Variants in SEMA6C observed in about 807,000 individuals in gnomAD.
SEMA6C encodes the protein semaphorin-6C.
In SEMA6C, 37 loss-of-function variants were observed where a neutral mutation model predicts 72.9. The observed-to-expected ratio is 0.51, with a 90% CI of 0.39 to 0.67. The LOEUF (loss-of-function observed/expected upper bound fraction) is 0.67. SEMA6C is among the 30% of genes least tolerant of loss of function. The probability of loss-of-function intolerance (pLI) is 0.00; values close to 1 mark genes in which losing one functional copy is unlikely to be tolerated. For synonymous variants in SEMA6C, 578 were observed against 554.1 expected, an observed-to-expected ratio of 1.04 and a Z score of -0.61; for missense variants, 1,189 against 1,263.6, an observed-to-expected ratio of 0.94 and a Z score of 0.89.
Position 151,132,940 on chromosome 1 carries a change from C to T in SEMA6C, c.2337G>A (p.Pro779=), listed in dbSNP as rs913666493. The T allele has an allele frequency of 3.2e-5, 45 of 1,398,926 alleles. No homozygotes were observed. In the African/African-American group the frequency reaches 6.2e-4, roughly 19 times the overall value. 86.7% of individuals were successfully genotyped at this position (1,398,926 alleles called of 1,614,324 possible). ...CGGGGGGCTCGGCCCCCTTTCTGGG[C>T]GGCTGCGGGCCGTGCAGGTAGCGCA... ...ELLRYLHGPQ[P]PRKGAEPPAP... Residue 779 remains proline, a synonymous_variant, in exon 19 of 19, where the codon CCG becomes CCA. Transcript: ENST00000368914.
chr1:151,136,337 T>A, intron 12 of SEMA6C, 111 bp downstream of exon 12: 1 of 1,513,328 alleles, frequency 6.6e-7, no homozygotes. Flanking sequence ...GCCACCCCAC[T>A]ATAGCTCCCC....
intron 7 of SEMA6C, 94 bp downstream of exon 7, chr1:151,138,536 C>G: frequency 6.9e-7 from 1 of 1,455,294 alleles, no homozygotes; most frequent in Non-Finnish European, 9.6e-7. Context: ...ACTCCCATTC[C>G]CCAACCGCAG....
In SEMA6C at chr1:151,136,948, A is replaced by C. The variant is rs1281641918; in HGVS notation, c.883T>G (p.Phe295Val). Residue 295 changes from phenylalanine (F) to valine (V), a missense_variant, in exon 11 of 19, where the codon TTC becomes GTC. By Grantham distance (50) the Phe-to-Val change is conservative. Coordinates refer to ENST00000368914, the MANE Select transcript of SEMA6C (RefSeq NM_030913.6). ...AAGGCCTGTAAAACATCAAAATAGA[A>C]AGTAGAGTCCCCAGGGACAGAGCAG... Reference protein sequence around the residue: ...LNCSVPGDSTFYFDVLQALTG... With the variant: ...LNCSVPGDSTVYFDVLQALTG... The C allele has an allele frequency of 6.2e-7, 1 of 1,613,962 alleles. No homozygotes were observed.
chr1:151,132,778 G>A lies in SEMA6C; in HGVS notation c.2499C>T (p.Ala833=), dbSNP rs1315484965. ...PPEGRCASAP[A]RPALSAPAPR... ...GAGCGGGGGCGGAGAGCGCGGGCCG[G>A]GCGGGGGCAGAGGCGCACCTGCCCT... Residue 833 remains alanine (A), a synonymous_variant, in exon 19 of 19, where the codon GCC becomes GCT. Coordinates refer to ENST00000368914, the MANE Select transcript of SEMA6C (RefSeq NM_030913.6). 7.2e-7 allele frequency: 1 copy of A among 1,387,394 alleles called. No homozygotes were observed. Among genetic ancestry groups the A allele is most frequent in the Non-Finnish European group, 9.4e-7 (1 of 1,067,040 alleles). The allele number at this position is 1,387,394 out of a possible 1,614,324, so 85.9% of individuals were successfully genotyped here. A position where few individuals can be genotyped will look rare whatever the true frequency, so the allele number is the denominator to read the frequency against.
intron 16 of SEMA6C, 49 bp from the exon 17 acceptor site, chr1:151,134,724 T>G (rs770160987): frequency 1.2e-6 from 2 of 1,612,394 alleles, no homozygotes; most frequent in Non-Finnish European, 1.7e-6. Context: ...TGTCCGTATC[T>G]CCCACTCTGG....
At chr1:151,139,088 G>A (rs1250167188) in intron 6 of SEMA6C, among the ~76,000 whole-genome samples, 3 of 134,588 alleles carry the variant, frequency 2.2e-5, no homozygotes, top group East Asian at 2.1e-4. Context: ...CTGAGACTCC[G>A]TCTCAAAAAA....
At chr1:151,142,161 C>T (rs991169338) in intron 3 of SEMA6C, among the ~76,000 whole-genome samples, 37 of 151,912 alleles carry the variant, frequency 2.4e-4, no homozygotes, top group Non-Finnish European at 4.7e-4. Context: ...CTCAGCCTCC[C>T]GAGTAGCTGG....
intron 12 of SEMA6C, 97 bp downstream of exon 12, chr1:151,136,351 C>G: frequency 6.5e-7 from 1 of 1,537,658 alleles, no homozygotes; most frequent in South Asian, 1.3e-5. Context: ...GCTCCCCACC[C>G]TGAGGCCTTG....
Position 151,136,456 on chromosome 1 carries a change from G to C in SEMA6C, c.1098C>G (p.Pro366=). Residue 366 remains proline, a synonymous_variant, in exon 12 of 19, where the codon CCC becomes CCG. Coordinates refer to ENST00000368914, the MANE Select transcript of SEMA6C (RefSeq NM_030913.6). ...AWTPVSEDRV[P]SPRPGSCAGV... ...AACTCCATCCTGGGTACCTGGGTGA[G>C]GGAACTCTGTCCTCAGACACAGGAG... The C allele has an allele frequency of 6.2e-7, 1 of 1,613,498 alleles. No individual in the cohort carries two copies. Among genetic ancestry groups the C allele is most frequent in the Non-Finnish European group, 8.5e-7 (1 of 1,179,850 alleles).
chr1:151,142,112 C>T (rs1227636212), intron 3 of SEMA6C, among the ~76,000 whole-genome samples: 2 of 150,912 alleles, frequency 1.3e-5, no homozygotes, highest in African/African-American at 2.4e-5. Context: ...TATCCGCTCA[C>T]TGCAAGCTCC....
At chr1:151,144,229 C>A (rs951548903) in intron 2 of SEMA6C, among the ~76,000 whole-genome samples, 156 bp downstream of exon 2, 1 of 152,122 alleles carries the variant, frequency 6.6e-6, no homozygotes, top group Non-Finnish European at 1.5e-5. Context: ...CTCCCCACCA[C>A]CCCCCTGCCT....
chr1:151,132,236 C>T lies in SEMA6C; in HGVS notation c.*248G>A, dbSNP rs1283167450. 2.6e-6 allele frequency: 4 copies of T among 1,513,090 alleles called. No homozygotes were observed. Among genetic ancestry groups the T allele is most frequent in the Admixed American group, 4.0e-5 (2 of 50,206 alleles). 93.7% of individuals were successfully genotyped at this position (1,513,090 alleles called of 1,614,324 possible). ...CTGGAAGGGAGCGGGGAGTGGGAGT[C>T]CGCCAGCTCCCCCTGAAATGCTGGC... is the stretch of plus-strand genomic sequence containing the variant. On this transcript the variant is annotated 3_prime_UTR_variant, in exon 19 of 19. Coordinates refer to ENST00000368914, the MANE Select transcript of SEMA6C (RefSeq NM_030913.6).
In SEMA6C at chr1:151,133,698, C is replaced by A. The variant is rs987018507; in HGVS notation, c.1760-181G>T. On this transcript the variant is annotated intron_variant, in intron 18 of 18. Coordinates refer to ENST00000368914, the MANE Select transcript of SEMA6C (RefSeq NM_030913.6). This position sits in a 1 kb window ranked among gnomAD's most constrained non-coding sequence, Gnocchi z 5.9. The stretch of plus-strand genomic sequence containing the variant: ...CTCTCCTGACTCCTCAGCATACAGC[C>A]CACGCACTACCCCTCACACTCAGGC... Among the ~76,000 whole-genome samples the A allele has an allele frequency of 6.6e-6, 1 of 152,208 alleles. No individual in the cohort carries two copies. Among genetic ancestry groups the A allele is most frequent in the Non-Finnish European group, 1.5e-5 (1 of 68,034 alleles).
Position 151,144,232 on chromosome 1 carries a change from C to G in SEMA6C, c.-55+153G>C, listed in dbSNP as rs978980914. Among the ~76,000 whole-genome samples the G allele has an allele frequency of 7.2e-5, 11 of 152,306 alleles. No individual in the cohort carries two copies. In the South Asian group the frequency reaches 2.3e-3, roughly 32 times the overall value. On this transcript the variant is annotated intron_variant, in intron 2 of 18. Transcript: ENST00000368914. ...CCCCAACCTGCTCTCCCCACCACCC[C>G]CCTGCCTCCAAGTTGCCCTGAGCAA...
Position 151,139,993 on chromosome 1 carries a change from G to A in SEMA6C, c.216C>T (p.Thr72=), listed in dbSNP as rs1178817104. 2 of 1,614,142 alleles carry A rather than the reference G, an allele frequency of 1.2e-6. No homozygotes were observed. Among genetic ancestry groups the A allele is most frequent in the South Asian group, 1.1e-5 (1 of 91,082 alleles). ...DFQRFLTLNR[T]LLVAARDHVF... ...CAGTTTACCGGGCAGCCACTAGCAA[G>A]GTCCGGTTCAAGGTCAGGAATCTCT... The change falls in exon 4 of 19, where the codon ACC becomes ACT. Residue 72 remains threonine (T), a synonymous_variant. Transcript: ENST00000368914.
At position 151,135,594 on chromosome 1, in the gene SEMA6C, G is replaced by A; in HGVS notation, c.1430C>T (p.Ala477Val). The change falls in exon 14 of 19, where the codon GCC becomes GTC. Residue 477 changes from alanine (A) to valine (V), a missense_variant. Coordinates refer to ENST00000368914, the MANE Select transcript of SEMA6C (RefSeq NM_030913.6). ...GCCTGCCCTCCAAAGGCCTCACCGGGCAGGGCTGTAGGCATCAATCTCTTC... is the reference window on the plus strand; with the variant it reads ...GCCTGCCCTCCAAAGGCCTCACCGGACAGGGCTGTAGGCATCAATCTCTTC... Reference protein sequence around the residue: ...LLEEIDAYSPARCSGKRTAQT... With the variant: ...LLEEIDAYSPVRCSGKRTAQT... 6.2e-7 allele frequency: 1 copy of A among 1,611,960 alleles called. No individual in the cohort carries two copies. The highest frequency in any genetic ancestry group is 8.5e-7 in the Non-Finnish European group (1 of 1,179,116).
intron 17 of SEMA6C, 42 bp from the exon 18 acceptor site, chr1:151,134,487 C>T (rs762653083): frequency 5.6e-6 from 9 of 1,608,834 alleles, no homozygotes; most frequent in Non-Finnish European, 7.7e-6. Context: ...GAAAGAGAAG[C>T]TTCATGAAGA....
rs1278868330 is a variant in SEMA6C, at chr1:151,133,250, G to A, written c.2027C>T (p.Thr676Met). Residue 676 changes from threonine (T) to methionine (M), a missense_variant, in exon 19 of 19, where the codon ACG (threonine) becomes ATG (methionine). Around this residue, in one of 2 missense-constraint regions of SEMA6C, gnomAD observed 721 missense variants for 686.2 expected, o/e 1.05. Transcript: ENST00000368914. The surrounding 1 kb of genome is among the most constrained non-coding windows in gnomAD (Gnocchi z 5.9). ...CAGGAAGGTGGTGTAGAGCTGCGGCGTCTGCACCGCGTCCCCGTCCTTGGA... is the reference window on the plus strand; with the variant it reads ...CAGGAAGGTGGTGTAGAGCTGCGGCATCTGCACCGCGTCCCCGTCCTTGGA... ...PPSKDGDAVQ[T>M]PQLYTTFLPP... 1 of 1,582,878 alleles carries A rather than the reference G, an allele frequency of 6.3e-7. No individual in the cohort carries two copies. Among genetic ancestry groups the A allele is most frequent in the Non-Finnish European group, 8.5e-7 (1 of 1,169,668 alleles).
At chr1:151,144,017 G>A (rs986235306) in intron 2 of SEMA6C, among the ~76,000 whole-genome samples, 1 of 152,002 alleles carries the variant, frequency 6.6e-6, no homozygotes, top group Non-Finnish European at 1.5e-5. Context: ...GTCAGGTGGG[G>A]CCTCAAGAGA....
Sources: gnomAD v4.1 joint callset for allele counts (sites outside exome capture counted in the v4.1 genomes callset) on GRCh38, gnomAD v4.1.1 for gene constraint, gnomAD v4.1.1 regional missense constraint, Gnocchi (gnomAD v3.1) non-coding constraint, MANE v1.5 for transcripts, NCBI Gene and HGNC (gene_info 2026-07-23, HGNC 2026-07-21) for gene names.